Variants in PANK1 observed in about 807,000 individuals in gnomAD.
PANK1 encodes the protein pantothenate kinase 1, also known as pantothenic acid kinase 1.
Under a neutral mutation model 40.1 loss-of-function variants are expected in PANK1, and 18 were observed. The observed-to-expected ratio is 0.45, with a 90% confidence interval of 0.31 to 0.67. The LOEUF (loss-of-function observed/expected upper bound fraction) is 0.67, where lower values mean the gene tolerates loss of function less well. Among genes scored for constraint, PANK1 ranks in the 30% least tolerant of loss-of-function variants. The probability of loss-of-function intolerance (pLI) is 0.06; values close to 1 mark genes in which losing one functional copy is unlikely to be tolerated. For missense variants in PANK1, 457 were observed against 599.6 expected, an observed-to-expected ratio of 0.76 and a Z score of 2.48; for synonymous variants, 242 against 237.7, an observed-to-expected ratio of 1.02 and a Z score of -0.17.
intron 1 of PANK1, among the ~76,000 whole-genome samples, chr10:89,631,632 G>A (rs569554275): frequency 2.7e-4 from 41 of 152,294 alleles, no homozygotes; most frequent in African/African-American, 9.6e-4. Flanking sequence ...AAATTATGTA[G>A]GAGATACTAA....
intron 2 of PANK1, among the ~76,000 whole-genome samples, chr10:89,609,497 T>G (rs1488510178): frequency 6.6e-6 from 1 of 152,236 alleles, no homozygotes. Context: ...GAATGAATGC[T>G]TAGGAAGGAG....
At chr10:89,633,194 T>C (rs1421441010) in intron 1 of PANK1, among the ~76,000 whole-genome samples, 1 of 152,100 alleles carries the variant, frequency 6.6e-6, no homozygotes, top group East Asian at 1.9e-4. Flanking sequence ...GATACTGAAA[T>C]GCAGAGTTGG....
chr10:89,584,954 GTAAAA>G (rs1297120013), intron 6 of PANK1, among the ~76,000 whole-genome samples: 2 of 152,074 alleles, frequency 1.3e-5, no homozygotes, highest in Admixed American at 6.6e-5. Flanking sequence ...TTGCCCATCT[GTAAAA>G]TAAAAGACCA....
chr10:89,623,273 G>A (rs7900905), intron 1 of PANK1, among the ~76,000 whole-genome samples: 7,077 of 152,146 alleles, frequency 0.047, 206 homozygotes, highest in African/African-American at 0.082. Context: ...CCAGGCTGGA[G>A]TGCAGTGGCG....
At chr10:89,631,205 T>C (rs1694940626) in intron 1 of PANK1, among the ~76,000 whole-genome samples, 2 of 152,216 alleles carry the variant, frequency 1.3e-5, no homozygotes, top group African/African-American at 4.8e-5. Context: ...ATGTATAAAA[T>C]GAATCTGAAG....
At chr10:89,591,021 C>T (rs1198110863) in intron 5 of PANK1, among the ~76,000 whole-genome samples, 1 of 151,688 alleles carries the variant, frequency 6.6e-6, no homozygotes, top group Non-Finnish European at 1.5e-5. Flanking sequence ...ACTGTTCTCT[C>T]TCCTTTACAT....
Position 89,602,257 on chromosome 10 carries a change from A to ACTTTGACCT in PANK1, c.646-2753_646-2752insAGGTCAAAG, listed in dbSNP as rs568400709. Among the ~76,000 whole-genome samples, 179 of 152,370 alleles carry ACTTTGACCT rather than the reference A, an allele frequency of 1.2e-3. 2 individuals carry two copies. Among genetic ancestry groups the ACTTTGACCT allele is most frequent in the African/African-American group, 4.1e-3 (170 of 41,582 alleles). Reference sequence around the variant, plus strand: ...AAGGCAAATAATCTACGTACGTACTAGAAAAGAAACATCATTATTTCACCT... The same window carrying ACTTTGACCT: ...AAGGCAAATAATCTACGTACGTACTACTTTGACCTGAAAAGAAACATCATTATTTCACCT... On this transcript the variant is annotated intron_variant, in intron 2 of 6. Transcript: ENST00000307534.
At chr10:89,621,268 T>C (rs910627225) in intron 1 of PANK1, among the ~76,000 whole-genome samples, 1 of 151,506 alleles carries the variant, frequency 6.6e-6, no homozygotes, top group African/African-American at 2.4e-5. Context: ...GCCATTGCAC[T>C]CCAGCCTGGG....
chr10:89,585,693 G>A (rs1375776347), intron 6 of PANK1, among the ~76,000 whole-genome samples: 1 of 152,154 alleles, frequency 6.6e-6, no homozygotes, highest in Non-Finnish European at 1.5e-5. Flanking sequence ...TCAGTAAAAC[G>A]CAGTGTTCTT....
chr10:89,618,059 A>G (rs191241232), intron 1 of PANK1, among the ~76,000 whole-genome samples: 67 of 152,292 alleles, frequency 4.4e-4, no homozygotes, highest in African/African-American at 1.1e-3. Flanking sequence ...GAAATAAAAG[A>G]TATCTCTCAA....
chr10:89,604,992 T>G (rs571200858), intron 2 of PANK1, among the ~76,000 whole-genome samples: 2 of 151,658 alleles, frequency 1.3e-5, no homozygotes, highest in African/African-American at 4.8e-5. Context: ...ACCTTGTGAT[T>G]TGCCCACCTC....
chr10:89,611,748 G>A lies in PANK1; in HGVS notation c.593C>T (p.Thr198Ile). The change falls in exon 2 of 7, where the codon ACC becomes ATC. Residue 198 changes from threonine to isoleucine, a missense_variant. Coordinates refer to ENST00000307534, the MANE Select transcript of PANK1 (RefSeq NM_148977.3). ...AGCCCCGCCTCCTGTGGCACAGAGG[G>A]TGGTGTGAAGGCTAGAGAAGTTCTT... ...SEKNFSSLHT[T>I]LCATGGGAFK... The A allele has an allele frequency of 6.2e-7, 1 of 1,614,108 alleles. No homozygotes were observed. Among genetic ancestry groups the A allele is most frequent in the Non-Finnish European group, 8.5e-7 (1 of 1,179,950 alleles).
intron 1 of PANK1, among the ~76,000 whole-genome samples, chr10:89,641,732 AAAAT>A (rs199852567): frequency 0.11 from 15,970 of 143,308 alleles, 1,117 homozygotes; most frequent in East Asian, 0.32. Context: ...AATCCGTCTC[AAAAT>A]AAATAAATAA....
At chr10:89,643,946 GAA>G in intron 1 of PANK1, 5 of 1,099,022 alleles carry the variant, frequency 4.5e-6, no homozygotes, top group South Asian at 2.3e-5. Flanking sequence ...CCCCTTCGTT[GAA>G]AAAAAAAATC....
intron 2 of PANK1, among the ~76,000 whole-genome samples, chr10:89,602,083 C>T (rs1451848831): frequency 6.6e-6 from 1 of 152,310 alleles, no homozygotes; most frequent in East Asian, 1.9e-4. Flanking sequence ...ATTTCATCAG[C>T]CAGTCTTGGA....
In PANK1 at chr10:89,611,872, C is replaced by A; in HGVS notation, c.469G>T (p.Glu157Ter). The A allele has an allele frequency of 6.2e-7, 1 of 1,614,144 alleles. No homozygotes were observed. The change falls in exon 2 of 7, where the codon GAA becomes TAA. Residue 157 changes from glutamate to a stop codon, truncating the protein, a stop_gained. Transcript: ENST00000307534. LOFTEE classifies it high-confidence loss of function. ...GKTGIRDVHL[E>*]LKNLTMCGRK... The stretch of plus-strand genomic sequence containing the variant: ...CCACACATGGTCAGGTTTTTCAGTT[C>A]CAGGTGGACGTCTCGGATCCCAGTT...
intron 2 of PANK1, among the ~76,000 whole-genome samples, chr10:89,599,980 A>G (rs146058976): frequency 6.6e-6 from 1 of 152,310 alleles, no homozygotes; most frequent in East Asian, 1.9e-4. Context: ...CCATGTGAAG[A>G]CAAAGGCAGA....
chr10:89,627,363 A>G (rs988165304), intron 1 of PANK1, among the ~76,000 whole-genome samples: 14 of 152,194 alleles, frequency 9.2e-5, no homozygotes, highest in African/African-American at 3.1e-4. Flanking sequence ...TCTAGAGATG[A>G]TTTAAAGTAT....
Position 89,591,702 on chromosome 10 carries a change from T to C in PANK1, c.1200+1495A>G, listed in dbSNP as rs76869511. On this transcript the variant is annotated intron_variant, in intron 5 of 6. Coordinates refer to ENST00000307534, the MANE Select transcript of PANK1 (RefSeq NM_148977.3). ...TTCAGCCCCACAGAAACATATAAAA[T>C]AGTTGCTCAAACCAGTGTATAACAT... is the stretch of plus-strand genomic sequence containing the variant. Among the ~76,000 whole-genome samples the C allele has an allele frequency of 4.6e-3, 704 of 152,302 alleles. 1 individual carries two copies. Among genetic ancestry groups the C allele is most frequent in the African/African-American group, 0.016 (666 of 41,576 alleles).
Sources: gnomAD v4.1 joint callset for allele counts (sites outside exome capture counted in the v4.1 genomes callset) on GRCh38, gnomAD v4.1.1 for gene constraint, MANE v1.5 for transcripts, NCBI Gene and HGNC (gene_info 2026-07-23, HGNC 2026-07-21) for gene names.